The following SGK3 variants were observed in gnomAD, a reference collection of about 807,000 sequenced individuals.
The protein encoded by SGK3 is serum/glucocorticoid regulated kinase family member 3.
In SGK3, 47 loss-of-function variants were observed where a neutral mutation model predicts 68.5. That is an observed-to-expected ratio of 0.69 (90% CI 0.54 to 0.87). The LOEUF is 0.87. Ranked by LOEUF, SGK3 falls within the 40% of genes least tolerant of loss-of-function variation. The pLI, the probability that SGK3 is intolerant of heterozygous loss-of-function variation, is 0.00. For missense variants in SGK3, 479 were observed against 575.5 expected (o/e 0.83, Z 1.72); for synonymous variants, 181 against 189.1 (o/e 0.96, Z 0.35).
chr8:66,718,035 T>C (rs755425515), intron 1 of SGK3, among the ~76,000 whole-genome samples: 8 of 149,160 alleles, frequency 5.4e-5, no homozygotes, highest in Middle Eastern at 3.6e-3. Flanking sequence ...TTTTTTTTTC[T>C]TTTTTTTTGA....
At position 66,824,786 on chromosome 8, in the gene SGK3, A is replaced by G. The variant is rs184780198; in HGVS notation, c.417+2327A>G. Among the ~76,000 whole-genome samples, 599 of 152,336 alleles carry G rather than the reference A, an allele frequency of 3.9e-3. 6 individuals carry two copies. Among genetic ancestry groups the G allele is most frequent in the African/African-American group, 0.014 (570 of 41,582 alleles). On this transcript the variant is annotated intron_variant, in intron 6 of 16. Coordinates refer to ENST00000521198, the MANE Select transcript of SGK3 (RefSeq NM_001033578.3). The stretch of plus-strand genomic sequence containing the variant: ...ATCAGATGTTAAGCTTTGACACATC[A>G]AATGAAATCAGTATTTAAAACATAT...
chr8:66,810,154 A>C lies in SGK3; in HGVS notation c.254-3699A>C, dbSNP rs113977551. 1.9e-3 allele frequency among the ~76,000 whole-genome samples: 283 copies of C among 152,222 alleles called. 2 individuals carry two copies. Among genetic ancestry groups the C allele is most frequent in the African/African-American group, 6.6e-3 (276 of 41,538 alleles). ...AATTTATAGACATTATGAGATAGTG[A>C]TTTCATGGCTTTACTGTTTTTTTAA... On this transcript the variant is annotated intron_variant, in intron 4 of 16. Transcript: ENST00000521198.
intron 3 of SGK3, among the ~76,000 whole-genome samples, chr8:66,802,601 T>C (rs1807991292): frequency 6.6e-6 from 1 of 150,494 alleles, no homozygotes; most frequent in African/African-American, 2.5e-5. Flanking sequence ...GAGGGGAGGA[T>C]CACTTGAGCC....
chr8:66,773,391 A>G (rs537616369), intron 1 of SGK3, among the ~76,000 whole-genome samples: 9 of 152,166 alleles, frequency 5.9e-5, no homozygotes, highest in African/African-American at 1.9e-4. Flanking sequence ...GGCAAGAATG[A>G]TACAGTATTA....
intron 1 of SGK3, among the ~76,000 whole-genome samples, chr8:66,768,515 G>T (rs977068604): frequency 2.0e-5 from 3 of 151,730 alleles, no homozygotes; most frequent in South Asian, 2.1e-4. Flanking sequence ...TAGGTTGACA[G>T]ATTTTTTTAT....
At chr8:66,780,217 G>A (rs1439271697) in intron 1 of SGK3, among the ~76,000 whole-genome samples, 1 of 152,186 alleles carries the variant, frequency 6.6e-6, no homozygotes, top group Non-Finnish European at 1.5e-5. Context: ...GGAGACTGAT[G>A]AAGGAATAAT....
chr8:66,756,428 C>A (rs543575013), intron 1 of SGK3, among the ~76,000 whole-genome samples: 1 of 152,020 alleles, frequency 6.6e-6, no homozygotes, highest in African/African-American at 2.4e-5. Flanking sequence ...TTAGTACTTA[C>A]AAGGACTCAC....
intron 1 of SGK3, among the ~76,000 whole-genome samples, chr8:66,733,131 T>C (rs75904994): frequency 0.03 from 4,560 of 152,000 alleles, 238 homozygotes; most frequent in African/African-American, 0.1. Context: ...AAAGTATAGA[T>C]TGGATAACAA....
At chr8:66,764,416 A>T (rs910921278) in intron 1 of SGK3, among the ~76,000 whole-genome samples, 1 of 152,128 alleles carries the variant, frequency 6.6e-6, no homozygotes, top group Non-Finnish European at 1.5e-5. Flanking sequence ...CCACATCTCT[A>T]AATAATAAAA....
intron 1 of SGK3, among the ~76,000 whole-genome samples, chr8:66,755,260 A>C (rs1805941262): frequency 6.7e-6 from 1 of 149,386 alleles, no homozygotes; most frequent in South Asian, 2.1e-4. Context: ...CTCCATCTCA[A>C]AAAAAAAAAA....
chr8:66,790,759 G>A (rs992009963), intron 1 of SGK3: 1 of 152,306 alleles, frequency 6.6e-6, no homozygotes, highest in African/African-American at 2.4e-5. Flanking sequence ...AGTCTCTGAA[G>A]TCAGTGTTTT....
At chr8:66,738,570 C>A (rs1284101489) in intron 1 of SGK3, among the ~76,000 whole-genome samples, 1 of 152,148 alleles carries the variant, frequency 6.6e-6, no homozygotes, top group East Asian at 1.9e-4. Context: ...ATGAACCCCA[C>A]TTGTGCTTGG....
intron 1 of SGK3, among the ~76,000 whole-genome samples, chr8:66,755,673 A>C (rs1339861743): frequency 6.6e-6 from 1 of 152,202 alleles, no homozygotes; most frequent in Non-Finnish European, 1.5e-5. Context: ...CCAGTATGTC[A>C]GGCACTATTC....
chr8:66,851,912 A>G (rs1810304168), intron 16 of SGK3, among the ~76,000 whole-genome samples: 2 of 152,160 alleles, frequency 1.3e-5, no homozygotes, highest in East Asian at 1.9e-4. Context: ...GCTTACTACT[A>G]TTACTGTTTT....
chr8:66,729,735 T>TTTTATTTA (rs1554592142), intron 1 of SGK3, among the ~76,000 whole-genome samples: 19 of 150,908 alleles, frequency 1.3e-4, no homozygotes, highest in Admixed American at 1.3e-4. Flanking sequence ...ATTTATTTAT[T>TTTTATTTA]TTTATTTATT....
chr8:66,746,955 A>G (rs1342371205), intron 1 of SGK3, among the ~76,000 whole-genome samples: 1 of 152,130 alleles, frequency 6.6e-6, no homozygotes, highest in East Asian at 1.9e-4. Flanking sequence ...TGTATTTACA[A>G]AGATGAAATC....
At chr8:66,816,062 T>A (rs1808562904) in intron 5 of SGK3, among the ~76,000 whole-genome samples, 1 of 151,950 alleles carries the variant, frequency 6.6e-6, no homozygotes, top group Non-Finnish European at 1.5e-5. Context: ...TGCAGTGGTG[T>A]GATCTCAGCT....
At chr8:66,793,968 G>C in intron 2 of SGK3, 136 bp downstream of exon 2, 1 of 925,146 alleles carries the variant, frequency 1.1e-6, no homozygotes, top group Non-Finnish European at 1.6e-6. Flanking sequence ...CACATGATCT[G>C]TTCTCCACAA....
intron 5 of SGK3, among the ~76,000 whole-genome samples, chr8:66,817,221 A>G (rs1215646723): frequency 6.6e-6 from 1 of 151,994 alleles, no homozygotes; most frequent in Admixed American, 6.5e-5. Flanking sequence ...TCATGAGGTC[A>G]AGAGATGGAG....
Sources: gnomAD v4.1 joint callset for allele counts (sites outside exome capture counted in the v4.1 genomes callset) on GRCh38, gnomAD v4.1.1 for gene constraint, MANE v1.5 for transcripts, NCBI Gene and HGNC (gene_info 2026-07-23, HGNC 2026-07-21) for gene names.